Variants in RFC5 observed in about 807,000 individuals in gnomAD.
The protein encoded by RFC5 is replication factor C subunit 5.
RFC5 carries 26 observed loss-of-function variants against 44.3 expected under a neutral mutation model. The observed-to-expected ratio is 0.59, with a 90% CI of 0.43 to 0.81. The LOEUF (loss-of-function observed/expected upper bound fraction) is 0.81, where lower values mean the gene tolerates loss of function less well. Among genes scored for constraint, RFC5 ranks in the 40% least tolerant of loss-of-function variants. The pLI, the probability that RFC5 is intolerant of heterozygous loss-of-function variation, is 0.00. For synonymous variants in RFC5, 155 were observed against 155.2 expected (o/e 1.00, Z 0.01); for missense variants, 328 against 418.6 (o/e 0.78, Z 1.89).
downstream of RFC5, chr12:118,035,008 G>A (rs1234761017): frequency 1.2e-6 from 2 of 1,614,204 alleles, no homozygotes; most frequent in East Asian, 4.5e-5. Context: ...ACTCCACCAT[G>A]TGGAAAAAAT....
the RFC5 span, among the ~76,000 whole-genome samples, chr12:118,039,474 A>C: frequency 2.6e-5 from 4 of 152,190 alleles, no homozygotes; most frequent in African/African-American, 9.6e-5. Flanking sequence ...ACAATGACCC[A>C]AAAGCCATGA....
chr12:118,019,159 CTCT>C lies in RFC5; in HGVS notation c.130+25_130+27del, dbSNP rs774347209. The C allele has an allele frequency of 6.4e-7, 1 of 1,568,504 alleles. No homozygotes were observed. The highest frequency in any genetic ancestry group is 8.8e-7 in the Non-Finnish European group (1 of 1,138,970). On this transcript the variant is annotated intron_variant, in intron 2 of 10. Transcript: ENST00000454402. This position sits in a 1 kb window ranked among gnomAD's most constrained non-coding sequence, Gnocchi z 4.2. The stretch of plus-strand genomic sequence containing the variant: ...CCAGTAAGTATTCATGTGTCAGTTG[CTCT>C]TGTCCTGCTTGAGCGACTTGTATAA...
In RFC5 at chr12:118,025,819, C is replaced by T. The variant is rs368314339; in HGVS notation, c.654C>T (p.Asn218=). Residue 218 remains asparagine, a synonymous_variant, in exon 7 of 11, where the codon AAC becomes AAT. Coordinates refer to ENST00000454402, the MANE Select transcript of RFC5 (RefSeq NM_007370.7). ...GTGGAGACATGCGTAGGGCTCTGAACATTTTGCAGGTATGGTCTCAAGCAA... is the reference window on the plus strand; with the variant it reads ...GTGGAGACATGCGTAGGGCTCTGAATATTTTGCAGGTATGGTCTCAAGCAA... The part of the protein sequence containing the change: ...LSSGDMRRAL[N]ILQSTNMAFG... 5.8e-6 allele frequency: 8 copies of T among 1,384,520 alleles called. No individual in the cohort carries two copies. Among genetic ancestry groups the T allele is most frequent in the Non-Finnish European group, 8.2e-6 (8 of 975,476 alleles). 85.8% of individuals were successfully genotyped at this position (1,384,520 alleles called of 1,614,324 possible). A position where few individuals can be genotyped will look rare whatever the true frequency, so the allele number is the denominator to read the frequency against.
intron 6 of RFC5, chr12:118,025,399 G>A: frequency 6.1e-6 from 2 of 326,064 alleles, no homozygotes; most frequent in Non-Finnish European, 5.7e-6. Flanking sequence ...TAGCCGACCT[G>A]AGCAGCTGCT....
intron 4 of RFC5, among the ~76,000 whole-genome samples, 200 bp from the exon 5 acceptor site, chr12:118,022,086 C>T (rs1458089038): frequency 6.6e-6 from 1 of 152,186 alleles, no homozygotes; most frequent in Admixed American, 6.5e-5. Context: ...AGAGAAGTCT[C>T]CTCCATTCCC....
intron 1 of RFC5, among the ~76,000 whole-genome samples, chr12:118,017,192 C>T (rs1228330448): frequency 6.6e-6 from 1 of 152,234 alleles, no homozygotes; most frequent in Non-Finnish European, 1.5e-5. Context: ...TCTCCTGACG[C>T]CTGCAATGGC....
chr12:118,039,895 C>T, the RFC5 span, among the ~76,000 whole-genome samples: 1 of 151,938 alleles, frequency 6.6e-6, no homozygotes, highest in East Asian at 1.9e-4. Flanking sequence ...AGGTATCTGC[C>T]ACCATGCCCT....
At chr12:118,036,201 CAA>C (rs1301377837), downstream of RFC5, 2 of 1,079,834 alleles carry the variant, frequency 1.9e-6, no homozygotes, top group Non-Finnish European at 2.7e-6. Context: ...GACTCCGTCT[CAA>C]AAGAGACCCA....
In RFC5 at chr12:118,019,579, A is replaced by T; in HGVS notation, c.131-53A>T. ...CAGCCCAACTCAGGAGCCCAGGGTG[A>T]ATGAGGCAGCTCCCAAAGACTGATG... is the stretch of plus-strand genomic sequence containing the variant. On this transcript the variant is annotated intron_variant, in intron 2 of 10. Coordinates refer to ENST00000454402, the MANE Select transcript of RFC5 (RefSeq NM_007370.7). This position sits in a 1 kb window ranked among gnomAD's most constrained non-coding sequence, Gnocchi z 4.2. 1 of 1,608,788 alleles carries T rather than the reference A, an allele frequency of 6.2e-7. No homozygotes were observed. Among genetic ancestry groups the T allele is most frequent in the Non-Finnish European group, 8.5e-7 (1 of 1,176,570 alleles).
intron 1 of RFC5, among the ~76,000 whole-genome samples, 182 bp downstream of exon 1, chr12:118,017,074 G>T (rs1464073535): frequency 6.6e-6 from 1 of 151,990 alleles, no homozygotes; most frequent in Non-Finnish European, 1.5e-5. Context: ...AGACTCGTCC[G>T]TTCTGTTTAG....
chr12:118,025,023 C>T lies in RFC5; in HGVS notation c.581+13C>T, dbSNP rs1340937515. The T allele has an allele frequency of 8.7e-6, 14 of 1,610,504 alleles. No individual in the cohort carries two copies. Among genetic ancestry groups the T allele is most frequent in the Middle Eastern group, 1.6e-4 (1 of 6,070 alleles). Reference sequence around the variant, plus strand: ...TGGAAGAAGAGAAGTGAGTATTTTGCGGGCCTTTGGGGATGGAGTGTAGTA... The same window carrying T: ...TGGAAGAAGAGAAGTGAGTATTTTGTGGGCCTTTGGGGATGGAGTGTAGTA... On this transcript the variant is annotated intron_variant, in intron 6 of 10. Coordinates refer to ENST00000454402, the MANE Select transcript of RFC5 (RefSeq NM_007370.7).
intron 9 of RFC5, 21 bp from the exon 10 acceptor site, chr12:118,029,750 T>A: frequency 6.4e-7 from 1 of 1,565,524 alleles, no homozygotes; most frequent in Non-Finnish European, 8.8e-7. Context: ...CCTAACTCAT[T>A]TGATTTTGTT....
intron 8 of RFC5, 103 bp downstream of exon 8, chr12:118,027,121 G>A: frequency 2.5e-6 from 3 of 1,198,830 alleles, no homozygotes; most frequent in Non-Finnish European, 3.6e-6. Flanking sequence ...ATGACTGGCT[G>A]CAGGCGACTC....
intron 4 of RFC5, 107 bp downstream of exon 4, chr12:118,021,092 A>AT: frequency 1.6e-6 from 1 of 616,562 alleles, no homozygotes; most frequent in Non-Finnish European, 2.8e-6. Flanking sequence ...TGAAAAAAAA[A>AT]GTGACTTTGT....
intron 9 of RFC5, among the ~76,000 whole-genome samples, chr12:118,028,502 A>AAC (rs1306876240): frequency 6.6e-6 from 1 of 151,686 alleles, no homozygotes; most frequent in East Asian, 1.9e-4. Context: ...AAACAAAACA[A>AAC]AACACAAAAA....
intron 5 of RFC5, 76 bp downstream of exon 5, chr12:118,022,435 T>C: frequency 9.8e-7 from 1 of 1,023,174 alleles, no homozygotes; most frequent in Non-Finnish European, 1.5e-6. Context: ...TGTTTGTTGC[T>C]GTTGTCATTG....
chr12:118,022,653 T>G (rs1361174954), intron 5 of RFC5, among the ~76,000 whole-genome samples: 2 of 151,950 alleles, frequency 1.3e-5, no homozygotes, highest in Admixed American at 1.3e-4. Flanking sequence ...TTAGTAGAGA[T>G]GGGGTTTCAC....
chr12:118,023,447 G>GGGGGT (rs2030683634), intron 5 of RFC5, among the ~76,000 whole-genome samples: 1 of 108,468 alleles, frequency 9.2e-6, no homozygotes, highest in Non-Finnish European at 2.0e-5. Context: ...GGGGTGAGGA[G>GGGGGT]GAGGAGGGGG....
intron 9 of RFC5, among the ~76,000 whole-genome samples, chr12:118,028,409 T>G (rs58512333): frequency 0.12 from 17,467 of 149,812 alleles, 1,380 homozygotes; most frequent in African/African-American, 0.22. Flanking sequence ...CATTTGAACC[T>G]GGGAGGTGGA....
Sources: allele counts gnomAD v4.1 joint callset (sites outside exome capture counted in the v4.1 genomes callset), GRCh38; gene constraint gnomAD v4.1.1; non-coding constraint Gnocchi (gnomAD v3.1); transcripts MANE v1.5; gene names NCBI Gene and HGNC (gene_info 2026-07-23, HGNC 2026-07-21).